Variants in BCAT1 observed in about 807,000 individuals in gnomAD.
The protein encoded by BCAT1 is branched-chain-amino-acid aminotransferase, cytosolic.
A neutral mutation model predicts 52.4 loss-of-function variants in BCAT1; 48 were observed. That is an observed-to-expected ratio of 0.92 (90% CI 0.73 to 1.16). The LOEUF (loss-of-function observed/expected upper bound fraction) is 1.16, where lower values mean the gene tolerates loss of function less well. Among genes scored for constraint, BCAT1 ranks in the 50% most tolerant of loss-of-function variants. The probability of loss-of-function intolerance (pLI) is 0.00; values close to 1 mark genes in which losing one functional copy is unlikely to be tolerated. For synonymous variants in BCAT1, 167 were observed against 161.3 expected (o/e 1.04, Z -0.27); for missense variants, 451 against 457.1 (o/e 0.99, Z 0.12).
intron 6 of BCAT1, among the ~76,000 whole-genome samples, chr12:24,845,516 G>T (rs997684801): frequency 6.6e-6 from 1 of 152,150 alleles, no homozygotes; most frequent in Admixed American, 6.5e-5. Context: ...TGCAGGGGAC[G>T]TCTGGTAGAA....
At position 24,816,414 on chromosome 12, in the gene BCAT1, T is replaced by C; in HGVS notation, c.*1594A>G. ...AATGTTTTCTGTCAAGATTTGACTT[T>C]CCTTAGATAAACCACAAAGGATACA... On this transcript the variant is annotated 3_prime_UTR_variant, in exon 11 of 11. Coordinates refer to ENST00000261192, the MANE Select transcript of BCAT1 (RefSeq NM_005504.7). 1 of 397,548 alleles carries C rather than the reference T, an allele frequency of 2.5e-6. No homozygotes were observed. Among genetic ancestry groups the C allele is most frequent in the Admixed American group, 4.4e-5 (1 of 22,714 alleles). 24.6% of individuals were successfully genotyped at this position (397,548 alleles called of 1,614,324 possible).
intron 1 of BCAT1, among the ~76,000 whole-genome samples, chr12:24,932,727 C>T (rs1486274682): frequency 2.6e-5 from 4 of 152,202 alleles, no homozygotes; most frequent in African/African-American, 9.7e-5. Context: ...ACCTCCACCT[C>T]CTGGGTTCAA....
At chr12:24,900,229 A>G (rs1943062677) in intron 2 of BCAT1, among the ~76,000 whole-genome samples, 1 of 152,244 alleles carries the variant, frequency 6.6e-6, no homozygotes, top group Non-Finnish European at 1.5e-5. Context: ...TAAATACATG[A>G]GTGTAAACAG....
At chr12:24,883,623 T>A (rs567194883) in intron 3 of BCAT1, among the ~76,000 whole-genome samples, 95 of 152,272 alleles carry the variant, frequency 6.2e-4, no homozygotes, top group African/African-American at 2.2e-3. Flanking sequence ...AAAATTAAAA[T>A]TAAACTACCA....
intron 5 of BCAT1, among the ~76,000 whole-genome samples, chr12:24,854,461 T>A (rs1266174511): frequency 6.6e-6 from 1 of 152,206 alleles, no homozygotes; most frequent in Non-Finnish European, 1.5e-5. Context: ...GAAAGAAGTT[T>A]AAATTGTTAA....
chr12:24,840,949 G>T (rs1591796482), intron 7 of BCAT1, among the ~76,000 whole-genome samples: 1 of 152,072 alleles, frequency 6.6e-6, no homozygotes, highest in Non-Finnish European at 1.5e-5. Flanking sequence ...TCTAAATTTG[G>T]TATGATTATC....
rs548667080 is a variant in BCAT1, at chr12:24,902,792, G to A, written c.7-907C>T. The A allele has an allele frequency of 3.6e-6, 4 of 1,104,342 alleles. No individual in the cohort carries two copies. In the South Asian group the frequency reaches 4.7e-5, roughly 13 times the overall value. The allele number at this position is 1,104,342 out of a possible 1,614,324, so 68.4% of individuals were successfully genotyped here. ...GACTCCAGATTTCGGGCAGGGATGC[G>A]GGGAAGGGAAGACGCCTCGCTGGAG... On this transcript the variant is annotated intron_variant, in intron 1 of 10. Coordinates refer to ENST00000261192, the MANE Select transcript of BCAT1 (RefSeq NM_005504.7).
chr12:24,891,066 T>C (rs756812798), intron 3 of BCAT1, among the ~76,000 whole-genome samples: 1 of 152,072 alleles, frequency 6.6e-6, no homozygotes, highest in Non-Finnish European at 1.5e-5. Context: ...AAAAACTCGG[T>C]TGGAGAATTT....
intron 2 of BCAT1, 120 bp from the exon 3 acceptor site, chr12:24,894,595 A>C: frequency 1.2e-6 from 1 of 856,814 alleles, no homozygotes; most frequent in South Asian, 1.8e-5. Context: ...CAGCTAACAC[A>C]GAAATTTAAC....
chr12:24,924,664 AT>A (rs1490343962), intron 1 of BCAT1, among the ~76,000 whole-genome samples: 3 of 152,224 alleles, frequency 2.0e-5, no homozygotes, highest in African/African-American at 4.8e-5. Context: ...ATTAAAAAAA[AT>A]AGCAGCAAAA....
At chr12:24,906,527 G>A (rs925105087) in intron 1 of BCAT1, among the ~76,000 whole-genome samples, 1 of 152,164 alleles carries the variant, frequency 6.6e-6, no homozygotes, top group Non-Finnish European at 1.5e-5. Flanking sequence ...GCTGTAAAAT[G>A]AGACAATAGC....
chr12:24,912,224 T>A (rs936630212), intron 1 of BCAT1, among the ~76,000 whole-genome samples: 1 of 151,898 alleles, frequency 6.6e-6, no homozygotes, highest in African/African-American at 2.4e-5. Flanking sequence ...ATATAAAAAA[T>A]TAGAAGAGGG....
intron 1 of BCAT1, among the ~76,000 whole-genome samples, chr12:24,944,727 A>G (rs1943910937): frequency 6.6e-6 from 1 of 152,274 alleles, no homozygotes; most frequent in Admixed American, 6.5e-5. Flanking sequence ...TTCTTTTTAG[A>G]TTAAAGACTA....
At chr12:24,851,135 C>T (rs1420638854) in intron 5 of BCAT1, among the ~76,000 whole-genome samples, 1 of 152,076 alleles carries the variant, frequency 6.6e-6, no homozygotes, top group East Asian at 1.9e-4. Flanking sequence ...CTGGGCTATC[C>T]TCAGCAATAT....
chr12:24,888,421 G>T (rs1490230441), intron 3 of BCAT1, among the ~76,000 whole-genome samples: 5 of 152,142 alleles, frequency 3.3e-5, no homozygotes, highest in Non-Finnish European at 7.4e-5. Context: ...ATCTGTTGAA[G>T]CCAGGAGGTG....
intron 5 of BCAT1, among the ~76,000 whole-genome samples, chr12:24,854,201 A>C (rs1197003483): frequency 1.3e-5 from 2 of 152,236 alleles, no homozygotes; most frequent in Non-Finnish European, 2.9e-5. Context: ...AGGTGATTTG[A>C]ATGACGGCAG....
intron 2 of BCAT1, 30 bp from the exon 3 acceptor site, chr12:24,894,505 G>A: frequency 6.5e-7 from 1 of 1,534,720 alleles, no homozygotes. Flanking sequence ...ACTATTTACA[G>A]AAAAGCTACT....
At chr12:24,876,731 C>A in intron 5 of BCAT1, among the ~76,000 whole-genome samples, 1 of 152,134 alleles carries the variant, frequency 6.6e-6, no homozygotes, top group South Asian at 2.1e-4. Context: ...TGCATGTTCT[C>A]TTATAAGTGG....
At chr12:24,850,222 T>C (rs1941466178) in intron 5 of BCAT1, among the ~76,000 whole-genome samples, 1 of 152,216 alleles carries the variant, frequency 6.6e-6, no homozygotes, top group Admixed American at 6.5e-5. Context: ...TAGTAGGGTT[T>C]TGGAGGACAG....
Sources: gnomAD v4.1 joint callset for allele counts (sites outside exome capture counted in the v4.1 genomes callset) on GRCh38, gnomAD v4.1.1 for gene constraint, MANE v1.5 for transcripts, NCBI Gene and HGNC (gene_info 2026-07-23, HGNC 2026-07-21) for gene names.